Variants in DLGAP2 observed in about 807,000 individuals in gnomAD.
DLGAP2 encodes DLG associated protein 2.
Under a neutral mutation model 100.3 loss-of-function variants are expected in DLGAP2, and 26 were observed. The ratio of observed to expected loss-of-function variants is 0.26; its 90% CI spans 0.19 to 0.36. DLGAP2 has a LOEUF of 0.36. Among genes scored for constraint, DLGAP2 ranks in the 10% least tolerant of loss-of-function variants. DLGAP2 has a pLI of 1.00. For missense variants in DLGAP2, 1,858 were observed against 1,453.2 expected, an observed-to-expected ratio of 1.28 and a Z score of -4.53; for synonymous variants, 886 against 630.1, an observed-to-expected ratio of 1.41 and a Z score of -6.08.
intron 3 of DLGAP2, among the ~76,000 whole-genome samples, chr8:1,430,962 C>G (rs888767883): frequency 4.5e-4 from 69 of 152,282 alleles, no homozygotes; most frequent in African/African-American, 1.5e-3. Context: ...AAGTCATTAC[C>G]TTCTCTTTTA....
At chr8:1,334,371 T>G (rs1303696643) in intron 3 of DLGAP2, among the ~76,000 whole-genome samples, 1 of 152,158 alleles carries the variant, frequency 6.6e-6, no homozygotes, top group African/African-American at 2.4e-5. Flanking sequence ...AACCCAAAAA[T>G]GACATCAACA....
intron 6 of DLGAP2, among the ~76,000 whole-genome samples, chr8:1,580,262 A>T (rs1022302850): frequency 6.6e-6 from 1 of 152,220 alleles, no homozygotes; most frequent in Non-Finnish European, 1.5e-5. Flanking sequence ...CTAAATGGGA[A>T]GCAGTGGAGA....
At chr8:913,464 G>A (rs1041088651) in intron 2 of DLGAP2, among the ~76,000 whole-genome samples, 18 of 152,230 alleles carry the variant, frequency 1.2e-4, no homozygotes, top group Admixed American at 4.6e-4. Context: ...AGTTTGGCGT[G>A]AGCGTATATG....
intron 4 of DLGAP2, among the ~76,000 whole-genome samples, chr8:1,514,235 C>G (rs1007649402): frequency 2.0e-5 from 3 of 152,262 alleles, no homozygotes; most frequent in African/African-American, 4.8e-5. Flanking sequence ...CAAATGTCCT[C>G]TTTCTGCCTG....
chr8:758,660 C>CA (rs1475189863), intron 1 of DLGAP2, among the ~76,000 whole-genome samples: 1 of 152,102 alleles, frequency 6.6e-6, no homozygotes, highest in Non-Finnish European at 1.5e-5. Flanking sequence ...CACCTGGGCT[C>CA]AGGTGATTCT....
At chr8:1,302,916 C>T (rs888893176) in intron 3 of DLGAP2, among the ~76,000 whole-genome samples, 3 of 152,222 alleles carry the variant, frequency 2.0e-5, no homozygotes, top group Admixed American at 1.3e-4. Context: ...CTCCTTCTGC[C>T]GTGCTTTTGG....
At chr8:973,745 G>A (rs939382002) in intron 2 of DLGAP2, among the ~76,000 whole-genome samples, 7 of 152,222 alleles carry the variant, frequency 4.6e-5, no homozygotes, top group Non-Finnish European at 7.3e-5. Context: ...TGGAGATCAT[G>A]GAGGGAAGGC....
At chr8:1,653,616 G>T (rs1798216892) in intron 8 of DLGAP2, among the ~76,000 whole-genome samples, 1 of 152,218 alleles carries the variant, frequency 6.6e-6, no homozygotes, top group Non-Finnish European at 1.5e-5. Context: ...GTGGGCAGAG[G>T]GCAAGTCAGG....
intron 2 of DLGAP2, among the ~76,000 whole-genome samples, chr8:1,039,248 G>A (rs62488505): frequency 3.4e-4 from 50 of 148,916 alleles, no homozygotes; most frequent in Admixed American, 1.8e-3. Flanking sequence ...CTCGGTGTGC[G>A]TGGTCGTCTC....
intron 2 of DLGAP2, among the ~76,000 whole-genome samples, chr8:1,064,197 C>G (rs144613468): frequency 8.2e-4 from 125 of 152,318 alleles, no homozygotes; most frequent in Middle Eastern, 3.4e-3. Flanking sequence ...GCAACAATTA[C>G]TCAACAGTAA....
chr8:1,282,457 A>G (rs1378479680), intron 3 of DLGAP2, among the ~76,000 whole-genome samples: 32 of 94,474 alleles, frequency 3.4e-4, no homozygotes, highest in South Asian at 1.2e-3. Flanking sequence ...AACCCAGCAC[A>G]TGAACCATCT....
At chr8:1,419,643 C>G (rs1453785070) in intron 3 of DLGAP2, among the ~76,000 whole-genome samples, 1 of 152,098 alleles carries the variant, frequency 6.6e-6, no homozygotes, top group Non-Finnish European at 1.5e-5. Context: ...CAGGGAAGTG[C>G]AAATCAAAAC....
chr8:1,000,935 A>C (rs1370106895), intron 2 of DLGAP2, among the ~76,000 whole-genome samples: 5 of 152,084 alleles, frequency 3.3e-5, no homozygotes, highest in Non-Finnish European at 5.9e-5. Context: ...GCCTGGGAGC[A>C]GGTGAAACTC....
At chr8:1,539,898 C>A (rs1801301009) in intron 4 of DLGAP2, among the ~76,000 whole-genome samples, 1 of 152,164 alleles carries the variant, frequency 6.6e-6, no homozygotes, top group Non-Finnish European at 1.5e-5. Flanking sequence ...GCCCCTCAGT[C>A]CATCCTCAAC....
chr8:855,696 G>T (rs1392261083), intron 1 of DLGAP2, among the ~76,000 whole-genome samples: 1 of 152,152 alleles, frequency 6.6e-6, no homozygotes, highest in East Asian at 1.9e-4. Flanking sequence ...GATTTTTGAG[G>T]CCCTACAAAA....
intron 2 of DLGAP2, among the ~76,000 whole-genome samples, chr8:1,227,916 C>T (rs183009356): frequency 1.3e-5 from 2 of 152,270 alleles, no homozygotes; most frequent in East Asian, 1.9e-4. Flanking sequence ...TTGCTATACA[C>T]ACACAAAATG....
At chr8:1,294,253 T>C (rs1800122185) in intron 3 of DLGAP2, among the ~76,000 whole-genome samples, 1 of 152,184 alleles carries the variant, frequency 6.6e-6, no homozygotes, top group Admixed American at 6.5e-5. Flanking sequence ...AAGAATTTAA[T>C]TGTCTTGATC....
chr8:955,029 A>G (rs1799564876), intron 2 of DLGAP2, among the ~76,000 whole-genome samples: 2 of 152,246 alleles, frequency 1.3e-5, no homozygotes, highest in Admixed American at 1.3e-4. Context: ...TTTCATTTTC[A>G]GTACAGAACT....
intron 2 of DLGAP2, among the ~76,000 whole-genome samples, chr8:1,206,354 A>G (rs1035792292): frequency 2.0e-5 from 3 of 146,618 alleles, no homozygotes; most frequent in East Asian, 2.1e-4. Flanking sequence ...ATCTCCAGCC[A>G]TCCGTGGACT....
Sources: gnomAD v4.1 joint callset for allele counts (sites outside exome capture counted in the v4.1 genomes callset) on GRCh38, gnomAD v4.1.1 for gene constraint, MANE v1.5 for transcripts, NCBI Gene and HGNC (gene_info 2026-07-23, HGNC 2026-07-21) for gene names.